PSMD1: variants seen among roughly 807,000 people sequenced by gnomAD.
The protein encoded by PSMD1 is proteasome 26S subunit, non-ATPase 1, also known as 26S proteasome non-ATPase regulatory subunit 1.
PSMD1 carries 18 observed loss-of-function variants against 119.0 expected under a neutral mutation model. That is an observed-to-expected ratio of 0.15 (90% CI 0.10 to 0.22). PSMD1 has a LOEUF of 0.22. PSMD1 is among the 10% of genes least tolerant of loss of function. The pLI is 1.00. For synonymous variants in PSMD1, 374 were observed against 396.6 expected (o/e 0.94, Z 0.68); for missense variants, 702 against 1,158.5 (o/e 0.61, Z 5.72).
intron 17 of PSMD1, among the ~76,000 whole-genome samples, chr2:231,140,756 T>C (rs1265818936): frequency 1.3e-5 from 2 of 151,488 alleles, no homozygotes; most frequent in Non-Finnish European, 2.9e-5. Flanking sequence ...CATGCACCTG[T>C]AATGCCAGCT....
At chr2:231,134,388 A>G (rs1695923466) in intron 16 of PSMD1, among the ~76,000 whole-genome samples, 1 of 152,186 alleles carries the variant, frequency 6.6e-6, no homozygotes, top group Admixed American at 6.5e-5. Context: ...TAGTCACATA[A>G]CTAAGTCCCG....
At chr2:231,113,894 C>T in intron 16 of PSMD1, 1 of 1,614,066 alleles carries the variant, frequency 6.2e-7, no homozygotes, top group South Asian at 1.1e-5. Context: ...AATAACCAGG[C>T]AGGACATAGA....
chr2:231,086,986 C>T (rs1347637838), intron 15 of PSMD1, 131 bp from the exon 16 acceptor site: 1 of 620,640 alleles, frequency 1.6e-6, no homozygotes. Context: ...TAGAGGTGTG[C>T]AACATAATGT....
intron 16 of PSMD1, among the ~76,000 whole-genome samples, chr2:231,096,910 T>A (rs1694742441): frequency 6.6e-6 from 1 of 152,204 alleles, no homozygotes; most frequent in African/African-American, 2.4e-5. Flanking sequence ...GTGGAGCAGA[T>A]GATCGGAATG....
At chr2:231,119,647 G>C (rs1695462694) in intron 16 of PSMD1, among the ~76,000 whole-genome samples, 1 of 152,024 alleles carries the variant, frequency 6.6e-6, no homozygotes, top group Non-Finnish European at 1.5e-5. Flanking sequence ...GAGGCAGGTG[G>C]ATCACCTGAG....
At chr2:231,062,481 A>C in intron 3 of PSMD1, 25 bp from the exon 4 acceptor site, 1 of 1,577,726 alleles carries the variant, frequency 6.3e-7, no homozygotes, top group South Asian at 1.2e-5. Context: ...TTTGAACTAG[A>C]CCTGTACTTC....
At chr2:231,082,280 G>C (rs530645244) in intron 12 of PSMD1, among the ~76,000 whole-genome samples, 1 of 152,002 alleles carries the variant, frequency 6.6e-6, no homozygotes, top group African/African-American at 2.4e-5. Context: ...TGCCCAGGCT[G>C]GTCTCAAACT....
At chr2:231,073,201 A>C (rs1170697395) in intron 7 of PSMD1, among the ~76,000 whole-genome samples, 2 of 152,210 alleles carry the variant, frequency 1.3e-5, no homozygotes, top group Admixed American at 1.3e-4. Context: ...GTGGTGTCCC[A>C]AAACAACTAC....
At chr2:231,153,760 T>C (rs1696420617) in intron 19 of PSMD1, 94 bp downstream of exon 19, 3 of 898,880 alleles carry the variant, frequency 3.3e-6, no homozygotes, top group African/African-American at 1.7e-5. Context: ...GGAAATTGAG[T>C]CTGAGGCAAA....
chr2:231,077,268 C>T, intron 9 of PSMD1, 106 bp downstream of exon 9: 1 of 874,992 alleles, frequency 1.1e-6, no homozygotes. Flanking sequence ...ATTTTATTTC[C>T]AATTAAGGAA....
intron 16 of PSMD1, chr2:231,124,197 T>A (rs1222879899): frequency 1.1e-5 from 2 of 180,000 alleles, no homozygotes; most frequent in African/African-American, 4.8e-5. Flanking sequence ...CACTTGAACT[T>A]CATAGCCCTT....
intron 19 of PSMD1, among the ~76,000 whole-genome samples, chr2:231,154,762 C>T (rs1696449403): frequency 6.6e-6 from 1 of 152,118 alleles, no homozygotes; most frequent in African/African-American, 2.4e-5. Context: ...AACCACTGTG[C>T]CCAGCCAATT....
intron 16 of PSMD1, among the ~76,000 whole-genome samples, chr2:231,098,537 C>T (rs1694781711): frequency 6.6e-6 from 1 of 151,572 alleles, no homozygotes; most frequent in South Asian, 2.1e-4. Context: ...CTCTCTCTGC[C>T]TCTCTTTCCC....
intron 16 of PSMD1, among the ~76,000 whole-genome samples, chr2:231,114,611 T>G (rs935967284): frequency 1.3e-5 from 2 of 152,342 alleles, no homozygotes; most frequent in Middle Eastern, 6.8e-3. Flanking sequence ...GTACAGACTT[T>G]TGATTTGAAA....
chr2:231,075,263 G>T (rs540472912), intron 7 of PSMD1, among the ~76,000 whole-genome samples: 5 of 152,072 alleles, frequency 3.3e-5, no homozygotes, highest in Admixed American at 6.6e-5. Flanking sequence ...ATATTTTGTC[G>T]CCTGTTCTTG....
Position 231,075,585 on chromosome 2 carries a change from T to C in PSMD1, c.942+14T>C. 2 of 1,605,720 alleles carry C rather than the reference T, an allele frequency of 1.2e-6. No individual in the cohort carries two copies. Among genetic ancestry groups the C allele is most frequent in the African/African-American group, 1.3e-5 (1 of 74,460 alleles). ...ACACCAGAAGCCGTGAGTGTGCTTT[T>C]TTTTTTTCCTTTGAGACAGGGTCCT... On this transcript the variant is annotated intron_variant, in intron 8 of 24. Coordinates refer to ENST00000308696, the MANE Select transcript of PSMD1 (RefSeq NM_002807.4).
chr2:231,098,433 GTCTCTCTGTCTCTTTCTCTC>G (rs1389345009), intron 16 of PSMD1, among the ~76,000 whole-genome samples: 47 of 150,456 alleles, frequency 3.1e-4, no homozygotes, highest in East Asian at 2.2e-3. Context: ...CTCCCTCTTT[GTCTCTCTGTCTCTTTCTCTC>G]TCTCTCTGTC....
chr2:231,062,807 T>A (rs1693792813), intron 4 of PSMD1, 132 bp downstream of exon 4: 10 of 772,416 alleles, frequency 1.3e-5, no homozygotes, highest in African/African-American at 1.8e-5. Flanking sequence ...CTTTCTATAA[T>A]AATTTTATGC....
intron 16 of PSMD1, among the ~76,000 whole-genome samples, chr2:231,090,227 A>T (rs530581051): frequency 6.6e-6 from 1 of 152,188 alleles, no homozygotes; most frequent in Non-Finnish European, 1.5e-5. Flanking sequence ...AAGTCGTATT[A>T]TTTAAGTCAT....
Sources: gnomAD v4.1 joint callset for allele counts (sites outside exome capture counted in the v4.1 genomes callset) on GRCh38, gnomAD v4.1.1 for gene constraint, MANE v1.5 for transcripts, NCBI Gene and HGNC (gene_info 2026-07-23, HGNC 2026-07-21) for gene names.